BRAF: variants seen among roughly 807,000 people sequenced by gnomAD.
BRAF encodes serine/threonine-protein kinase B-raf.
Under a neutral mutation model 104.6 loss-of-function variants are expected in BRAF, and 16 were observed. That is an observed-to-expected ratio of 0.15 (90% confidence interval 0.10 to 0.23). BRAF has a LOEUF of 0.23. Among genes scored for constraint, BRAF ranks in the 10% least tolerant of loss-of-function variants. The pLI is 1.00. For synonymous variants in BRAF, 310 were observed against 341.6 expected, an observed-to-expected ratio of 0.91 and a Z score of 1.02; for missense variants, 541 against 937.3, an observed-to-expected ratio of 0.58 and a Z score of 5.52.
chr7:140,742,833 G>A (rs1342062432), intron 17 of BRAF, among the ~76,000 whole-genome samples: 1 of 151,446 alleles, frequency 6.6e-6, no homozygotes, highest in Non-Finnish European at 1.5e-5. Flanking sequence ...TCTGACAAAG[G>A]GCTAATATCC....
intron 17 of BRAF, among the ~76,000 whole-genome samples, chr7:140,742,461 T>C (rs925548864): frequency 1.3e-5 from 2 of 152,210 alleles, no homozygotes; most frequent in Non-Finnish European, 1.5e-5. Flanking sequence ...CCCAAAGTGC[T>C]GGGGTTACAG....
chr7:140,805,744 A>T (rs1803595668), intron 5 of BRAF, among the ~76,000 whole-genome samples: 1 of 152,086 alleles, frequency 6.6e-6, no homozygotes, highest in Non-Finnish European at 1.5e-5. Context: ...GTTCCCAAGG[A>T]CTCTTGGGAT....
At chr7:140,730,006 G>C (rs1480417904) in intron 19 of BRAF, among the ~76,000 whole-genome samples, 2 of 151,804 alleles carry the variant, frequency 1.3e-5, no homozygotes, top group African/African-American at 4.8e-5. Flanking sequence ...TGGTGTTGAG[G>C]GGAAAAAAAT....
At chr7:140,754,414 G>T (rs1218024467) in intron 14 of BRAF, among the ~76,000 whole-genome samples, 181 bp from the exon 14 acceptor site, 1 of 152,014 alleles carries the variant, frequency 6.6e-6, no homozygotes, top group South Asian at 2.1e-4. Flanking sequence ...AAGATTATAG[G>T]AACATATCAC....
intron 2 of BRAF, among the ~76,000 whole-genome samples, chr7:140,840,561 C>T (rs573424954): frequency 4.0e-5 from 6 of 151,888 alleles, no homozygotes; most frequent in East Asian, 2.0e-4. Flanking sequence ...GAGGCCAAGG[C>T]GGGAGGATTG....
At chr7:140,907,954 A>T (rs1816519246) in intron 1 of BRAF, among the ~76,000 whole-genome samples, 4 of 151,768 alleles carry the variant, frequency 2.6e-5, no homozygotes. Context: ...CATGTTGGCC[A>T]GGCTGGTCTT....
chr7:140,728,992 G>A (rs1039247325), intron 19 of BRAF, among the ~76,000 whole-genome samples: 1 of 150,836 alleles, frequency 6.6e-6, no homozygotes, highest in Admixed American at 6.6e-5. Flanking sequence ...TCAGGAGGCC[G>A]AGGCAGGAGG....
intron 1 of BRAF, among the ~76,000 whole-genome samples, chr7:140,888,835 TA>T (rs113414500): frequency 1.5e-3 from 211 of 143,808 alleles, no homozygotes; most frequent in African/African-American, 1.6e-3. Flanking sequence ...AACTCCGTCT[TA>T]AAAAAAAAAA....
chr7:140,730,633 G>GGCT (rs2130849449), intron 19 of BRAF, 32 bp downstream of exon 18: 1 of 151,860 alleles, frequency 6.6e-6, no homozygotes, highest in East Asian at 1.9e-4. Flanking sequence ...CAAAGTGCTG[G>GGCT]GATTACAGGT....
intron 13 of BRAF, 31 bp downstream of exon 12, chr7:140,777,960 C>G (rs2129019400): frequency 6.2e-7 from 1 of 1,604,228 alleles, no homozygotes; most frequent in Non-Finnish European, 8.5e-7. Flanking sequence ...TAACTTCTTT[C>G]TCTGGAAAAG....
At position 140,835,185 on chromosome 7, in the gene BRAF, C is replaced by G. The variant is rs193249365; in HGVS notation, c.241-313G>C. 136 of 303,546 alleles carry G rather than the reference C, an allele frequency of 4.5e-4. 2 individuals are homozygous for G. The East Asian group carries it at 7.6e-3, about 17-fold the overall frequency. The allele number at this position is 303,546 out of a possible 1,614,324, so 18.8% of individuals were successfully genotyped here. On this transcript the variant is annotated intron_variant, in intron 2 of 19. Coordinates refer to ENST00000644969, the MANE Select transcript of BRAF (RefSeq NM_001374258.1). Reference sequence around the variant, plus strand: ...TTCTGGTCCACTTATATTTACCTTCCAAATCATGTCTAACGTAAGATAAAA... The same window carrying G: ...TTCTGGTCCACTTATATTTACCTTCGAAATCATGTCTAACGTAAGATAAAA...
At chr7:140,846,956 G>A (rs988613964) in intron 2 of BRAF, among the ~76,000 whole-genome samples, 4 of 152,026 alleles carry the variant, frequency 2.6e-5, no homozygotes, top group Non-Finnish European at 5.9e-5. Flanking sequence ...AGGAGTTTGA[G>A]ACAAGCCTGG....
At chr7:140,779,996 A>G (rs1800708142) in intron 12 of BRAF, 1 of 152,182 alleles carries the variant, frequency 6.6e-6, no homozygotes. Context: ...ATATTTTAAT[A>G]AGTTAAATCA....
chr7:140,878,406 A>C (rs528434444), intron 1 of BRAF, among the ~76,000 whole-genome samples: 3 of 152,336 alleles, frequency 2.0e-5, no homozygotes, highest in Admixed American at 6.5e-5. Flanking sequence ...ACAAAAAAAA[A>C]CTGACAAATC....
intron 1 of BRAF, among the ~76,000 whole-genome samples, chr7:140,870,608 A>G (rs925412275): frequency 6.8e-6 from 1 of 146,846 alleles, no homozygotes; most frequent in Non-Finnish European, 1.5e-5. Context: ...TAGTGATATC[A>G]CCCTTCTGAC....
At chr7:140,746,630 C>T (rs889156433) in intron 17 of BRAF, among the ~76,000 whole-genome samples, 8 of 151,668 alleles carry the variant, frequency 5.3e-5, no homozygotes, top group Non-Finnish European at 8.8e-5. Flanking sequence ...GGAGTTTGAG[C>T]CCAGCCTGAC....
At chr7:140,849,747 G>A (rs978131314) in intron 2 of BRAF, among the ~76,000 whole-genome samples, 4 of 152,058 alleles carry the variant, frequency 2.6e-5, no homozygotes, top group Admixed American at 2.6e-4. Context: ...GGGAGGCGGA[G>A]GTTGTAGTGA....
chr7:140,715,498 A>G (rs957947167), downstream of BRAF, among the ~76,000 whole-genome samples: 4 of 152,216 alleles, frequency 2.6e-5, no homozygotes, highest in African/African-American at 9.6e-5. Flanking sequence ...GAAAGAATAC[A>G]ATCTACAACA....
intron 1 of BRAF, among the ~76,000 whole-genome samples, chr7:140,857,669 G>A (rs886906181): frequency 6.6e-6 from 1 of 152,084 alleles, no homozygotes; most frequent in African/African-American, 2.4e-5. Flanking sequence ...GGGGGAAAGG[G>A]CCAGCATTAC....
Sources: allele counts gnomAD v4.1 joint callset (sites outside exome capture counted in the v4.1 genomes callset), GRCh38; gene constraint gnomAD v4.1.1; transcripts MANE v1.5; gene names NCBI Gene and HGNC (gene_info 2026-07-23, HGNC 2026-07-21).